Variants in AUTS2 observed in about 807,000 individuals in gnomAD.
The protein encoded by AUTS2 is activator of transcription and developmental regulator AUTS2, also known as autism susceptibility gene 2 protein.
In AUTS2, 17 loss-of-function variants were observed where a neutral mutation model predicts 112.4. The ratio of observed to expected loss-of-function variants is 0.15; its 90% CI spans 0.10 to 0.23. AUTS2 has a LOEUF of 0.23. Ranked by LOEUF, AUTS2 falls within the 10% of genes least tolerant of loss-of-function variation. AUTS2 has a pLI of 1.00. For synonymous variants in AUTS2, 751 were observed against 702.7 expected (o/e 1.07, Z -1.09); for missense variants, 1,510 against 1,701.6 (o/e 0.89, Z 1.98).
rs111809768 is a variant in AUTS2, at chr7:70,358,337, G to A, written c.661-77415G>A. 4.2e-3 allele frequency among the ~76,000 whole-genome samples: 645 copies of A among 152,214 alleles called. 3 individuals carry two copies. The highest frequency in any genetic ancestry group is 7.2e-3 in the Non-Finnish European group (493 of 68,008). On this transcript the variant is annotated intron_variant, in intron 4 of 18. Transcript: ENST00000342771. ...CTGAGTTTCCTTTTTCCAGGCCCAC[G>A]CCTAACATTTGCAAGGCAAGCATAC...
At chr7:69,715,657 T>C (rs558066086) in intron 1 of AUTS2, among the ~76,000 whole-genome samples, 2 of 152,202 alleles carry the variant, frequency 1.3e-5, no homozygotes, top group Non-Finnish European at 2.9e-5. Context: ...GAAGGATTGG[T>C]GTTGGGTAAT....
chr7:70,721,284 G>T (rs1389113931), intron 6 of AUTS2, among the ~76,000 whole-genome samples: 1 of 146,208 alleles, frequency 6.8e-6, no homozygotes, highest in Non-Finnish European at 1.5e-5. Flanking sequence ...TCATTCGTGT[G>T]TGTGTGTGTG....
intron 1 of AUTS2, among the ~76,000 whole-genome samples, chr7:69,853,040 G>A (rs1464678908): frequency 6.6e-6 from 1 of 151,976 alleles, no homozygotes; most frequent in Non-Finnish European, 1.5e-5. Flanking sequence ...GCTAAGGTTT[G>A]TATTATATCC....
At position 70,790,908 on chromosome 7, in the gene AUTS2, C is replaced by T; in HGVS notation, c.3692C>T (p.Pro1231Leu). ...CTCATCTCCACGCTGGGGGGCCGCC[C>T]GGTCTCTCCCAGAAGGACGACTCCT... ...PPLISTLGGR[P>L]VSPRRTTPLS... Residue 1231 changes from proline to leucine, a missense_variant, in exon 19 of 19, where the codon CCG (proline) becomes CTG (leucine). This residue lies in a region of AUTS2 where 788 missense variants were observed against 797.6 expected (regional missense o/e 0.99). Coordinates refer to ENST00000342771, the MANE Select transcript of AUTS2 (RefSeq NM_015570.4). This position sits in a 1 kb window ranked among gnomAD's most constrained non-coding sequence, Gnocchi z 7.6. The T allele has an allele frequency of 1.9e-6, 3 of 1,586,298 alleles. No individual in the cohort carries two copies. Among genetic ancestry groups the T allele is most frequent in the African/African-American group, 1.3e-5 (1 of 74,466 alleles).
intron 1 of AUTS2, among the ~76,000 whole-genome samples, chr7:69,759,759 C>T (rs1456037318): frequency 3.5e-5 from 1 of 28,520 alleles, no homozygotes; most frequent in Non-Finnish European, 7.0e-5. Context: ...TTTTATTCCC[C>T]TCTCATCCCC....
At chr7:70,034,068 A>G (rs1369354533) in intron 2 of AUTS2, among the ~76,000 whole-genome samples, 2 of 152,196 alleles carry the variant, frequency 1.3e-5, no homozygotes, top group Non-Finnish European at 2.9e-5. Flanking sequence ...ATATCATGCC[A>G]TAGCCCATAA....
intron 4 of AUTS2, among the ~76,000 whole-genome samples, chr7:70,405,312 C>A (rs1459201702): frequency 6.6e-6 from 1 of 152,184 alleles, no homozygotes; most frequent in African/African-American, 2.4e-5. Flanking sequence ...AAGGGCTTCC[C>A]ACTGGGAGCA....
chr7:70,003,375 G>A (rs1168420723), intron 2 of AUTS2, among the ~76,000 whole-genome samples: 1 of 124,088 alleles, frequency 8.1e-6, no homozygotes, highest in Non-Finnish European at 1.6e-5. Context: ...TATTATATAT[G>A]TGAATATATA....
chr7:70,171,318 CTG>C (rs1353828260), intron 4 of AUTS2, among the ~76,000 whole-genome samples: 7 of 152,322 alleles, frequency 4.6e-5, no homozygotes, highest in Non-Finnish European at 8.8e-5. Flanking sequence ...CTTTTTCTGA[CTG>C]TGTTTGCCCA....
chr7:69,972,078 G>T (rs924779268), intron 2 of AUTS2, among the ~76,000 whole-genome samples: 25 of 152,046 alleles, frequency 1.6e-4, no homozygotes, highest in African/African-American at 4.8e-4. Context: ...GTTTACTTGC[G>T]CATTCACCAG....
intron 1 of AUTS2, among the ~76,000 whole-genome samples, chr7:69,604,159 C>G (rs987794314): frequency 6.6e-6 from 1 of 152,172 alleles, no homozygotes; most frequent in Non-Finnish European, 1.5e-5. Context: ...GACTTTGATG[C>G]GGTCTTCACT....
chr7:69,868,918 T>C (rs1793358257), intron 1 of AUTS2, among the ~76,000 whole-genome samples: 1 of 152,188 alleles, frequency 6.6e-6, no homozygotes, highest in Non-Finnish European at 1.5e-5. Flanking sequence ...AAGAGCTGTT[T>C]TCATACCTGT....
At position 69,724,706 on chromosome 7, in the gene AUTS2, C is replaced by T. The variant is rs527556090; in HGVS notation, c.309+124744C>T. Among the ~76,000 whole-genome samples, 236 of 152,220 alleles carry T rather than the reference C, an allele frequency of 1.6e-3. 1 individual carries two copies. The highest frequency in any genetic ancestry group is 4.5e-3 in the African/African-American group (186 of 41,510). On this transcript the variant is annotated intron_variant, in intron 1 of 18. Transcript: ENST00000342771. Reference sequence around the variant, plus strand: ...CACAAACTCTCTTAGTGATCATTGTCCCCCCTTTTGCAGAAAATTTCAAAT... The same window carrying T: ...CACAAACTCTCTTAGTGATCATTGTTCCCCCTTTTGCAGAAAATTTCAAAT...
chr7:69,666,733 T>C (rs1436507801), intron 1 of AUTS2, among the ~76,000 whole-genome samples: 2 of 152,116 alleles, frequency 1.3e-5, no homozygotes, highest in African/African-American at 4.8e-5. Flanking sequence ...AAGACTCCCA[T>C]CTTGACAAAA....
chr7:70,765,600 C>T (rs372940512), intron 8 of AUTS2, among the ~76,000 whole-genome samples: 21 of 152,272 alleles, frequency 1.4e-4, no homozygotes, highest in South Asian at 4.2e-4. Context: ...ATACAGAGAG[C>T]CATATAGCAG....
chr7:70,070,723 G>A (rs1171953704), intron 2 of AUTS2, among the ~76,000 whole-genome samples: 1 of 151,420 alleles, frequency 6.6e-6, no homozygotes, highest in Non-Finnish European at 1.5e-5. Flanking sequence ...AAAATTAGCC[G>A]AGCATGGTTG....
chr7:69,716,859 T>A lies in AUTS2; in HGVS notation c.309+116897T>A, dbSNP rs527934511. Among the ~76,000 whole-genome samples the A allele has an allele frequency of 4.6e-5, 7 of 152,186 alleles. 1 individual carries two copies. In the South Asian group the frequency reaches 1.5e-3, roughly 32 times the overall value. Reference sequence around the variant, plus strand: ...TTGCTTATGTTTGCCCACTTATTATTAAGAATATTACAAAGGATACAGATA... The same window carrying A: ...TTGCTTATGTTTGCCCACTTATTATAAAGAATATTACAAAGGATACAGATA... On this transcript the variant is annotated intron_variant, in intron 1 of 18. Coordinates refer to ENST00000342771, the MANE Select transcript of AUTS2 (RefSeq NM_015570.4).
At chr7:69,859,378 C>T (rs1792876255) in intron 1 of AUTS2, among the ~76,000 whole-genome samples, 1 of 152,202 alleles carries the variant, frequency 6.6e-6, no homozygotes. Context: ...TATCATGTCT[C>T]CAGTTTTGCA....
chr7:70,648,041 C>A (rs1806269537), intron 5 of AUTS2, among the ~76,000 whole-genome samples: 1 of 152,134 alleles, frequency 6.6e-6, no homozygotes, highest in African/African-American at 2.4e-5. Context: ...CATTGCTTAG[C>A]CTTGGGCAGG....
Sources: allele counts gnomAD v4.1 joint callset (sites outside exome capture counted in the v4.1 genomes callset), GRCh38; gene constraint gnomAD v4.1.1; regional missense constraint gnomAD v4.1.1; non-coding constraint Gnocchi (gnomAD v3.1); transcripts MANE v1.5; gene names NCBI Gene and HGNC (gene_info 2026-07-23, HGNC 2026-07-21).